LRRC28: variants seen among roughly 807,000 people sequenced by gnomAD.
LRRC28 encodes the protein leucine-rich repeat-containing protein 28.
LRRC28 carries 39 observed loss-of-function variants against 45.7 expected under a neutral mutation model. The ratio of observed to expected loss-of-function variants is 0.85; its 90% CI spans 0.66 to 1.12. LRRC28 has a LOEUF of 1.12. Ranked by LOEUF, LRRC28 falls within the 50% of genes most tolerant of loss-of-function variation. LRRC28 has a pLI of 0.00. For missense variants in LRRC28, 435 were observed against 438.5 expected (o/e 0.99, Z 0.07); for synonymous variants, 206 against 178.8 (o/e 1.15, Z -1.22).
intron 2 of LRRC28, chr15:99,259,054 C>T (rs2081113219): frequency 2.2e-6 from 2 of 910,858 alleles, no homozygotes; most frequent in Admixed American, 1.7e-5. Context: ...ATGAGAAATA[C>T]AATGATACTT....
At chr15:99,311,538 G>A (rs1955410220) in intron 5 of LRRC28, among the ~76,000 whole-genome samples, 1 of 152,082 alleles carries the variant, frequency 6.6e-6, no homozygotes, top group South Asian at 2.1e-4. Context: ...TATGTTTTCA[G>A]TTTTAAAAAG....
In LRRC28 at chr15:99,381,686, A is replaced by G. The variant is rs547194055; in HGVS notation, c.1032-4344A>G. ...TTTTATCTACCTTTGGTCTTTGATG[A>G]TGGTGACTTACAGATGGGGTTTTGG... is the stretch of plus-strand genomic sequence containing the variant. On this transcript the variant is annotated intron_variant, in intron 9 of 9. Coordinates refer to ENST00000301981, the MANE Select transcript of LRRC28 (RefSeq NM_144598.5). Among the ~76,000 whole-genome samples, 15 of 152,268 alleles carry G rather than the reference A, an allele frequency of 9.9e-5. No homozygotes were observed. The South Asian group carries it at 3.1e-3, about 32-fold the overall frequency.
Position 99,361,378 on chromosome 15 carries a change from CT to C in LRRC28, c.742del (p.Ser248HisfsTer13). 2 of 1,613,756 alleles carry C rather than the reference CT, an allele frequency of 1.2e-6. No individual in the cohort carries two copies. The highest frequency in any genetic ancestry group is 1.7e-6 in the Non-Finnish European group (2 of 1,179,880). On this transcript the variant is annotated frameshift_variant, in exon 8 of 10. Coordinates refer to ENST00000301981, the MANE Select transcript of LRRC28 (RefSeq NM_144598.5). LOFTEE classifies it high-confidence loss of function. Reference sequence around the variant, plus strand: ...AAGTTTCCGAGGTGAAGCTGCTTTCCTTTTCATCAGGGCAGCGAACCGTTTT... The same window carrying C: ...AAGTTTCCGAGGTGAAGCTGCTTTCCTTTCATCAGGGCAGCGAACCGTTTT... Reference protein sequence around the residue: ...IQVSEVKLLSFSSGQRTVFLP... With the variant: ...IQVSEVKLLSXSSGQRTVFLP...
At chr15:99,379,747 T>C (rs1225069870) in intron 9 of LRRC28, among the ~76,000 whole-genome samples, 1 of 152,256 alleles carries the variant, frequency 6.6e-6, no homozygotes, top group African/African-American at 2.4e-5. Context: ...TGTGTCTTTG[T>C]TCCCATTGGT....
chr15:99,261,101 G>A (rs1211290779), intron 2 of LRRC28, among the ~76,000 whole-genome samples: 3 of 152,182 alleles, frequency 2.0e-5, no homozygotes, highest in Non-Finnish European at 4.4e-5. Context: ...TCAAAGCCGT[G>A]TAGTGGCTTG....
At chr15:99,378,171 A>G (rs943054897) in intron 9 of LRRC28, among the ~76,000 whole-genome samples, 4 of 152,180 alleles carry the variant, frequency 2.6e-5, no homozygotes, top group Non-Finnish European at 5.9e-5. Context: ...CTTCCTATCC[A>G]TGAGCATGGA....
intron 5 of LRRC28, among the ~76,000 whole-genome samples, chr15:99,292,662 C>G (rs573880423): frequency 6.6e-6 from 1 of 152,222 alleles, no homozygotes; most frequent in East Asian, 1.9e-4. Flanking sequence ...CCGCGCCCAG[C>G]CTCGTACAGT....
chr15:99,262,459 G>C (rs2081224372), intron 2 of LRRC28, among the ~76,000 whole-genome samples: 1 of 152,136 alleles, frequency 6.6e-6, no homozygotes. Flanking sequence ...GTGCGCGTCT[G>C]TAGTCCCAGC....
intron 2 of LRRC28, among the ~76,000 whole-genome samples, chr15:99,260,172 T>A (rs1188768594): frequency 6.6e-6 from 1 of 152,042 alleles, no homozygotes; most frequent in Non-Finnish European, 1.5e-5. Context: ...AAGAAGTGGG[T>A]TTTTTAGTTG....
intron 5 of LRRC28, among the ~76,000 whole-genome samples, chr15:99,324,365 G>T (rs932062140): frequency 1.3e-5 from 2 of 152,238 alleles, no homozygotes; most frequent in East Asian, 1.9e-4. Flanking sequence ...AAGCTAAACC[G>T]CGGATAAAGG....
intron 2 of LRRC28, among the ~76,000 whole-genome samples, chr15:99,261,389 T>C (rs1040983496): frequency 6.6e-6 from 1 of 152,208 alleles, no homozygotes; most frequent in South Asian, 2.1e-4. Flanking sequence ...ATCAGTGGCT[T>C]ATAAACAAAT....
At chr15:99,301,964 T>C (rs1954988267) in intron 5 of LRRC28, among the ~76,000 whole-genome samples, 2 of 152,144 alleles carry the variant, frequency 1.3e-5, no homozygotes, top group Admixed American at 1.3e-4. Context: ...TTAAATGTCA[T>C]CTAAATAATA....
rs115672071 is a variant in LRRC28 at position 99,348,111 on chromosome 15, A to G, written c.593-4258A>G. Reference sequence around the variant, plus strand: ...TGTCTGTTTAGATGCTTTGCCCATTATTTAATTGAGTTGTTTTTCTGCTAT... The same window carrying G: ...TGTCTGTTTAGATGCTTTGCCCATTGTTTAATTGAGTTGTTTTTCTGCTAT... On this transcript the variant is annotated intron_variant, in intron 6 of 9. Coordinates refer to ENST00000301981, the MANE Select transcript of LRRC28 (RefSeq NM_144598.5). 3.1e-3 allele frequency among the ~76,000 whole-genome samples: 474 copies of G among 152,164 alleles called. 3 individuals are homozygous for G. The highest frequency in any genetic ancestry group is 0.01 in the African/African-American group (430 of 41,502).
chr15:99,315,444 A>G (rs1386296182), intron 5 of LRRC28, among the ~76,000 whole-genome samples: 1 of 152,178 alleles, frequency 6.6e-6, no homozygotes, highest in African/African-American at 2.4e-5. Context: ...AGTCACTACT[A>G]CTATCCTAAA....
intron 1 of LRRC28, among the ~76,000 whole-genome samples, chr15:99,252,289 G>A (rs1304671606): frequency 6.6e-6 from 1 of 152,208 alleles, no homozygotes; most frequent in African/African-American, 2.4e-5. Context: ...AATGCATACT[G>A]CAAAACTGTG....
chr15:99,277,331 C>T (rs2081644871), intron 3 of LRRC28, among the ~76,000 whole-genome samples: 1 of 152,054 alleles, frequency 6.6e-6, no homozygotes, highest in Non-Finnish European at 1.5e-5. Context: ...AAAAAAATTT[C>T]AAACTAATAA....
intron 5 of LRRC28, among the ~76,000 whole-genome samples, chr15:99,318,068 A>T (rs1165603429): frequency 6.6e-6 from 1 of 152,162 alleles, no homozygotes; most frequent in Non-Finnish European, 1.5e-5. Flanking sequence ...ATACGTTTTT[A>T]TGTGTTCTCA....
At chr15:99,312,827 A>G (rs889207462) in intron 5 of LRRC28, among the ~76,000 whole-genome samples, 2 of 152,202 alleles carry the variant, frequency 1.3e-5, no homozygotes, top group African/African-American at 4.8e-5. Flanking sequence ...AAACGTAGTT[A>G]TGTGGTTCAT....
Position 99,318,253 on chromosome 15 carries a change from C to T in LRRC28, c.386-15670C>T, listed in dbSNP as rs1308898655. Among the ~76,000 whole-genome samples, 6 of 151,946 alleles carry T rather than the reference C, an allele frequency of 3.9e-5. No homozygotes were observed. In the South Asian group the frequency reaches 6.2e-4, roughly 16 times the overall value. On this transcript the variant is annotated intron_variant, in intron 5 of 9. Transcript: ENST00000301981. The stretch of plus-strand genomic sequence containing the variant: ...ATTTTTGTTTTCTGTTGCAGTGAAC[C>T]AGAATATCATTAGGAAACTCAAATT...
Sources: gnomAD v4.1 joint callset for allele counts (sites outside exome capture counted in the v4.1 genomes callset) on GRCh38, gnomAD v4.1.1 for gene constraint, MANE v1.5 for transcripts, NCBI Gene and HGNC (gene_info 2026-07-23, HGNC 2026-07-21) for gene names.